Variants in ATF7IP observed in about 807,000 individuals in gnomAD.
ATF7IP encodes activating transcription factor 7-interacting protein 1.
ATF7IP carries 23 observed loss-of-function variants against 106.4 expected under a neutral mutation model. The observed-to-expected ratio is 0.22, with a 90% CI of 0.16 to 0.31. The LOEUF (loss-of-function observed/expected upper bound fraction) is 0.31, where lower values mean the gene tolerates loss of function less well. Among genes scored for constraint, ATF7IP ranks in the 10% least tolerant of loss-of-function variants. ATF7IP has a pLI of 1.00. For missense variants in ATF7IP, 1,334 were observed against 1,524.3 expected, an observed-to-expected ratio of 0.88 and a Z score of 2.08; for synonymous variants, 542 against 539.0, an observed-to-expected ratio of 1.01 and a Z score of -0.08.
At chr12:14,395,170 G>A (rs1351452845) in intron 1 of ATF7IP, 1 of 151,910 alleles carries the variant, frequency 6.6e-6, no homozygotes, top group Non-Finnish European at 1.5e-5. Context: ...GTCTGCATTA[G>A]CTTTTAATGT....
chr12:14,396,054 A>T (rs1591785700), intron 1 of ATF7IP, among the ~76,000 whole-genome samples: 2 of 152,190 alleles, frequency 1.3e-5, no homozygotes, highest in African/African-American at 4.8e-5. Flanking sequence ...ATGCCAATGT[A>T]TGTGTTCATT....
chr12:14,413,445 A>G lies in ATF7IP; in HGVS notation c.-7-10464A>G, dbSNP rs1344254411. 3.3e-5 allele frequency among the ~76,000 whole-genome samples: 5 copies of G among 152,210 alleles called. No homozygotes were observed. The East Asian group carries it at 9.6e-4, about 29-fold the overall frequency. On this transcript the variant is annotated intron_variant, in intron 1 of 14. Transcript: ENST00000261168. ...ATGGCATCTCCATTTTCAAAGAGAT[A>G]AAGAAGACAATTGCTGAACATTCTA...
At chr12:14,381,294 C>T (rs1322326281) in intron 1 of ATF7IP, among the ~76,000 whole-genome samples, 10 of 152,158 alleles carry the variant, frequency 6.6e-5, no homozygotes, top group African/African-American at 2.4e-4. Flanking sequence ...TGTAGTAGCT[C>T]GATCTAGGAT....
intron 1 of ATF7IP, among the ~76,000 whole-genome samples, chr12:14,377,143 C>G (rs997589257): frequency 7.3e-5 from 11 of 151,128 alleles, no homozygotes; most frequent in African/African-American, 2.7e-4. Flanking sequence ...TACAGAAATG[C>G]ACCACCACGC....
chr12:14,408,320 A>G (rs1353668515), intron 1 of ATF7IP, among the ~76,000 whole-genome samples: 2 of 152,132 alleles, frequency 1.3e-5, no homozygotes, highest in Non-Finnish European at 2.9e-5. Context: ...TTTTGCTTTT[A>G]TATTCGCATC....
rs928593841 is a variant in ATF7IP, at chr12:14,498,958, T to G, written c.*885T>G. The G allele has an allele frequency of 6.6e-6, 1 of 152,300 alleles. No individual in the cohort carries two copies. Among genetic ancestry groups the G allele is most frequent in the African/African-American group, 2.4e-5 (1 of 41,428 alleles). 9.4% of individuals were successfully genotyped at this position (152,300 alleles called of 1,614,324 possible). ...GCCTCCTGGGTTCAAGCAATTCTTCTGTCTCAGCCCCAGAGTAGCTGGGAT... is the reference window on the plus strand; with the variant it reads ...GCCTCCTGGGTTCAAGCAATTCTTCGGTCTCAGCCCCAGAGTAGCTGGGAT... On this transcript the variant is annotated 3_prime_UTR_variant, in exon 15 of 15. Transcript: ENST00000261168.
At chr12:14,408,116 GCACACACACA>G (rs56229725) in intron 1 of ATF7IP, among the ~76,000 whole-genome samples, 2 of 148,980 alleles carry the variant, frequency 1.3e-5, no homozygotes, top group African/African-American at 4.9e-5. Context: ...ATATTGATGT[GCACACACACA>G]CACACACACA....
At chr12:14,481,529 T>G (rs1944428618) in intron 13 of ATF7IP, 1 of 391,504 alleles carries the variant, frequency 2.6e-6, no homozygotes, top group Non-Finnish European at 4.8e-6. Context: ...TATATAATTT[T>G]TGTCAATTAA....
At chr12:14,480,563 T>C (rs1944398633) in intron 12 of ATF7IP, among the ~76,000 whole-genome samples, 1 of 152,228 alleles carries the variant, frequency 6.6e-6, no homozygotes, top group Non-Finnish European at 1.5e-5. Context: ...CTGGTCAGTT[T>C]CTTGATCTTT....
intron 1 of ATF7IP, among the ~76,000 whole-genome samples, chr12:14,406,437 A>G (rs997017232): frequency 1.3e-5 from 2 of 152,054 alleles, no homozygotes; most frequent in Non-Finnish European, 2.9e-5. Context: ...TGTTTGTGAT[A>G]TACTCTTTTC....
chr12:14,470,294 T>G (rs548875125), intron 10 of ATF7IP, among the ~76,000 whole-genome samples: 1 of 152,302 alleles, frequency 6.6e-6, no homozygotes, highest in East Asian at 1.9e-4. Context: ...ATTTTCTTAG[T>G]GTTTGCTTAT....
intron 1 of ATF7IP, among the ~76,000 whole-genome samples, chr12:14,392,032 A>G (rs575398273): frequency 3.3e-5 from 5 of 152,266 alleles, no homozygotes; most frequent in Admixed American, 2.6e-4. Context: ...AGTCTTAGGT[A>G]TTTTTATGGA....
At chr12:14,457,408 C>G (rs1029846160) in intron 8 of ATF7IP, 113 bp downstream of exon 8, 3 of 758,912 alleles carry the variant, frequency 4.0e-6, no homozygotes, top group Non-Finnish European at 2.1e-6. Context: ...GCACATTGGT[C>G]TAAGTACAAA....
intron 1 of ATF7IP, among the ~76,000 whole-genome samples, chr12:14,370,155 C>T (rs986464118): frequency 6.6e-6 from 1 of 152,076 alleles, no homozygotes; most frequent in African/African-American, 2.4e-5. Flanking sequence ...CAGGCTGGCT[C>T]GAACTTCCTA....
chr12:14,497,107 C>G (rs1455746018), intron 14 of ATF7IP, among the ~76,000 whole-genome samples: 2 of 152,216 alleles, frequency 1.3e-5, no homozygotes, highest in Non-Finnish European at 2.9e-5. Flanking sequence ...TTCTGCATCT[C>G]TGGATCCTCC....
intron 1 of ATF7IP, among the ~76,000 whole-genome samples, chr12:14,399,362 T>C (rs2136457865): frequency 6.6e-6 from 1 of 152,240 alleles, no homozygotes; most frequent in Non-Finnish European, 1.5e-5. Flanking sequence ...GCTTTCAGTA[T>C]TGCTGATGAC....
At chr12:14,386,460 C>G (rs1939246434) in intron 1 of ATF7IP, among the ~76,000 whole-genome samples, 1 of 152,072 alleles carries the variant, frequency 6.6e-6, no homozygotes, top group South Asian at 2.1e-4. Context: ...GAATATATCC[C>G]TGACTTATAT....
intron 5 of ATF7IP, among the ~76,000 whole-genome samples, chr12:14,440,476 T>TC (rs1942645005): frequency 6.6e-6 from 1 of 152,234 alleles, no homozygotes; most frequent in Non-Finnish European, 1.5e-5. Context: ...TGCTTCACTG[T>TC]CCTACAGGGT....
At chr12:14,395,592 C>T (rs1939794068) in intron 1 of ATF7IP, among the ~76,000 whole-genome samples, 1 of 152,118 alleles carries the variant, frequency 6.6e-6, no homozygotes, top group South Asian at 2.1e-4. Context: ...TATATTCTCA[C>T]TTGTAGTGAC....
Sources: gnomAD v4.1 joint callset for allele counts (sites outside exome capture counted in the v4.1 genomes callset) on GRCh38, gnomAD v4.1.1 for gene constraint, MANE v1.5 for transcripts, NCBI Gene and HGNC (gene_info 2026-07-23, HGNC 2026-07-21) for gene names.